Variants in NFATC3 observed in about 807,000 individuals in gnomAD.
The protein encoded by NFATC3 is nuclear factor of activated T cells 3.
In NFATC3, 46 loss-of-function variants were observed where a neutral mutation model predicts 98.6. That is an observed-to-expected ratio of 0.47 (90% CI 0.37 to 0.60). NFATC3 has a LOEUF of 0.60. Ranked by LOEUF, NFATC3 falls within the 20% of genes least tolerant of loss-of-function variation. NFATC3 has a pLI of 0.00. For missense variants in NFATC3, 1,256 were observed against 1,295.5 expected (o/e 0.97, Z 0.47); for synonymous variants, 512 against 472.2 (o/e 1.08, Z -1.09).
At chr16:68,177,032 C>CTTTTTTTTTTTT (rs548092276) in intron 6 of NFATC3, among the ~76,000 whole-genome samples, 1 of 133,110 alleles carries the variant, frequency 7.5e-6, no homozygotes, top group African/African-American at 2.8e-5. Flanking sequence ...CTTTTCTTTT[C>CTTTTTTTTTTTT]TTTTTTTTTT....
chr16:68,118,313 G>GTT (rs1251640849), intron 1 of NFATC3, among the ~76,000 whole-genome samples: 6 of 152,132 alleles, frequency 3.9e-5, no homozygotes, highest in African/African-American at 1.4e-4. Flanking sequence ...TTTAATTTGT[G>GTT]TTTTTGTCAG....
intron 1 of NFATC3, among the ~76,000 whole-genome samples, chr16:68,106,750 TTTAA>T (rs2035681955): frequency 1.3e-5 from 2 of 151,852 alleles, no homozygotes; most frequent in African/African-American, 4.8e-5. Flanking sequence ...TTGTTTTTTT[TTTAA>T]TTTAATTTAA....
At chr16:68,177,410 A>G (rs2039767851) in intron 6 of NFATC3, among the ~76,000 whole-genome samples, 1 of 152,108 alleles carries the variant, frequency 6.6e-6, no homozygotes, top group South Asian at 2.1e-4. Flanking sequence ...ATCTATTGAC[A>G]TTAATTAACT....
chr16:68,140,695 T>TAA (rs1253486905), intron 3 of NFATC3, among the ~76,000 whole-genome samples: 4 of 151,366 alleles, frequency 2.6e-5, no homozygotes, highest in Non-Finnish European at 5.9e-5. Flanking sequence ...TCTGTTGAAA[T>TAA]AAAAAAAAGG....
intron 3 of NFATC3, chr16:68,138,696 A>G: frequency 7.8e-7 from 1 of 1,287,846 alleles, no homozygotes; most frequent in South Asian, 1.2e-5. Context: ...TTACATGCAG[A>G]AGTACTGGGA....
chr16:68,208,722 A>AC (rs1314005257), intron 9 of NFATC3, among the ~76,000 whole-genome samples: 1 of 150,428 alleles, frequency 6.6e-6, no homozygotes, highest in African/African-American at 2.5e-5. Context: ...CGTCTCAAAA[A>AC]CAAACCAAAA....
At chr16:68,112,787 ATT>A (rs1170287664) in intron 1 of NFATC3, among the ~76,000 whole-genome samples, 1 of 135,094 alleles carries the variant, frequency 7.4e-6, no homozygotes, top group Admixed American at 7.4e-5. Flanking sequence ...GCCTCCCGAC[ATT>A]TTTTTTTTTT....
chr16:68,157,100 G>GAT (rs1227616270), intron 3 of NFATC3, among the ~76,000 whole-genome samples: 1 of 151,332 alleles, frequency 6.6e-6, no homozygotes, highest in Non-Finnish European at 1.5e-5. Context: ...TCACTACTGC[G>GAT]ATTCAGCCTT....
chr16:68,120,601 G>A (rs2036520520), intron 1 of NFATC3, among the ~76,000 whole-genome samples: 1 of 150,718 alleles, frequency 6.6e-6, no homozygotes, highest in African/African-American at 2.5e-5. Flanking sequence ...AAATTAGCTA[G>A]GCATGGTGGC....
chr16:68,208,738 A>C (rs1211546349), intron 9 of NFATC3, among the ~76,000 whole-genome samples: 1 of 152,120 alleles, frequency 6.6e-6, no homozygotes, highest in African/African-American at 2.4e-5. Flanking sequence ...CAAAAAAAAA[A>C]ACCCCAAAAC....
intron 1 of NFATC3, among the ~76,000 whole-genome samples, chr16:68,112,044 A>G (rs1300015554): frequency 6.6e-6 from 1 of 152,022 alleles, no homozygotes; most frequent in Non-Finnish European, 1.5e-5. Flanking sequence ...CCCTGCGCTT[A>G]ACATTTTTTC....
intron 3 of NFATC3, among the ~76,000 whole-genome samples, chr16:68,155,666 T>C (rs2038572715): frequency 6.6e-6 from 1 of 151,738 alleles, no homozygotes; most frequent in Non-Finnish European, 1.5e-5. Context: ...AAGCCAGTGC[T>C]ATACTGAATC....
intron 8 of NFATC3, 27 bp from the exon 9 acceptor site, chr16:68,190,741 T>C: frequency 1.9e-6 from 3 of 1,568,886 alleles, no homozygotes; most frequent in Non-Finnish European, 2.6e-6. Flanking sequence ...TGTATAATAA[T>C]ATTTGCTTTA....
chr16:68,140,959 C>G (rs764537146), intron 3 of NFATC3, among the ~76,000 whole-genome samples: 14 of 152,122 alleles, frequency 9.2e-5, no homozygotes, highest in Non-Finnish European at 1.6e-4. Flanking sequence ...ATCCTACCCT[C>G]TTCTGAGTCT....
At chr16:68,115,736 T>G (rs533302694) in intron 1 of NFATC3, among the ~76,000 whole-genome samples, 44 of 152,240 alleles carry the variant, frequency 2.9e-4, no homozygotes, top group East Asian at 9.6e-4. Flanking sequence ...ATTGTTTTTT[T>G]TTGTTGTTGT....
In NFATC3 at chr16:68,174,415, A is replaced by G. The variant is rs2039597773; in HGVS notation, c.1816A>G (p.Ser606Gly). ...AQELPHIEKYSINSCSVNGGH... is the reference protein window; with the variant it reads ...AQELPHIEKYGINSCSVNGGH... The stretch of plus-strand genomic sequence containing the variant: ...AGAACTTCCTCATATTGAGAAGTAC[A>G]GTATCAACAGTTGTTCTGTAAATGG... The change falls in exon 6 of 10, where the codon AGT becomes GGT. Residue 606 changes from serine to glycine, a missense_variant. Physicochemically the swap from Ser to Gly is moderately conservative, Grantham distance 56. This residue lies in a region of NFATC3 where 636 missense variants were observed against 617.3 expected (regional missense o/e 1.03). Coordinates refer to ENST00000346183, the MANE Select transcript of NFATC3 (RefSeq NM_173165.3). 3.1e-6 allele frequency: 5 copies of G among 1,596,004 alleles called. No homozygotes were observed. The highest frequency in any genetic ancestry group is 4.3e-6 in the Non-Finnish European group (5 of 1,171,696).
At chr16:68,181,946 G>A (rs748934968) in intron 7 of NFATC3, among the ~76,000 whole-genome samples, 10 of 151,904 alleles carry the variant, frequency 6.6e-5, no homozygotes, top group Admixed American at 5.9e-4. Flanking sequence ...AATTTCTAGC[G>A]GTTTGGAAGT....
chr16:68,096,757 A>C (rs1364274876), intron 1 of NFATC3, among the ~76,000 whole-genome samples: 1 of 152,198 alleles, frequency 6.6e-6, no homozygotes, highest in East Asian at 1.9e-4. Context: ...TATCACACCC[A>C]AAGACAGGTT....
intron 1 of NFATC3, among the ~76,000 whole-genome samples, chr16:68,098,940 A>G (rs2151456923): frequency 6.6e-6 from 1 of 152,314 alleles, no homozygotes; most frequent in South Asian, 2.1e-4. Flanking sequence ...GGTTCTGGGT[A>G]CCCTTTACTC....
Sources: gnomAD v4.1 joint callset for allele counts (sites outside exome capture counted in the v4.1 genomes callset) on GRCh38, gnomAD v4.1.1 for gene constraint, gnomAD v4.1.1 regional missense constraint, MANE v1.5 for transcripts, NCBI Gene and HGNC (gene_info 2026-07-23, HGNC 2026-07-21) for gene names.